The following SUPT3H variants were observed in gnomAD, a reference collection of about 807,000 sequenced individuals.
SUPT3H encodes the protein SPT3 homolog, SAGA and STAGA complex component, also known as transcription initiation protein SPT3 homolog.
Under a neutral mutation model 44.3 loss-of-function variants are expected in SUPT3H, and 44 were observed. That is an observed-to-expected ratio of 0.99 (90% CI 0.78 to 1.28). The LOEUF is 1.28. SUPT3H is among the 50% of genes most tolerant of loss of function. The pLI is 0.00. For synonymous variants in SUPT3H, 124 were observed against 125.6 expected (o/e 0.99, Z 0.09); for missense variants, 380 against 387.1 (o/e 0.98, Z 0.15).
chr6:44,969,771 C>G (rs1443807560), intron 6 of SUPT3H, among the ~76,000 whole-genome samples: 2 of 152,150 alleles, frequency 1.3e-5, no homozygotes, highest in Admixed American at 1.3e-4. Context: ...AGTATATTTT[C>G]TATATCACAG....
chr6:45,173,958 C>A (rs1811254297), intron 2 of SUPT3H, among the ~76,000 whole-genome samples: 1 of 152,116 alleles, frequency 6.6e-6, no homozygotes, highest in Non-Finnish European at 1.5e-5. Flanking sequence ...CTTTTGTGCC[C>A]CTGCTGCCCA....
At chr6:44,868,703 T>C (rs186859742) in intron 10 of SUPT3H, among the ~76,000 whole-genome samples, 5 of 151,926 alleles carry the variant, frequency 3.3e-5, no homozygotes, top group Admixed American at 6.6e-5. Flanking sequence ...TGGAGCTCCT[T>C]AGCTCTGCCT....
intron 10 of SUPT3H, among the ~76,000 whole-genome samples, chr6:44,839,673 C>G (rs1207031864): frequency 6.6e-6 from 1 of 151,874 alleles, no homozygotes; most frequent in Non-Finnish European, 1.5e-5. Flanking sequence ...AATGGATCCT[C>G]AAAAGGGCCT....
chr6:45,096,590 A>G (rs942863226), intron 3 of SUPT3H, among the ~76,000 whole-genome samples: 3 of 152,062 alleles, frequency 2.0e-5, no homozygotes, highest in Non-Finnish European at 4.4e-5. Flanking sequence ...TCCACATGGG[A>G]ACAACAGGTC....
At chr6:44,957,925 T>C (rs564286) in intron 7 of SUPT3H, among the ~76,000 whole-genome samples, 149,201 of 152,308 alleles carry the variant, frequency 0.98, 73,091 homozygotes, top group Middle Eastern at 1. Context: ...TTCCCTGTCA[T>C]GTGGAGAAGG....
chr6:45,165,421 A>C (rs1424300363), intron 2 of SUPT3H, among the ~76,000 whole-genome samples: 1 of 152,224 alleles, frequency 6.6e-6, no homozygotes, highest in Non-Finnish European at 1.5e-5. Context: ...AGCACAATCT[A>C]TACTGTTCAT....
At chr6:44,821,350 G>A (rs1257604973) in intron 11 of SUPT3H, among the ~76,000 whole-genome samples, 1 of 152,124 alleles carries the variant, frequency 6.6e-6, no homozygotes, top group Non-Finnish European at 1.5e-5. Context: ...GGTTATGACT[G>A]CTGATAAAAA....
intron 3 of SUPT3H, among the ~76,000 whole-genome samples, chr6:45,071,525 C>G (rs1179617463): frequency 6.6e-6 from 1 of 152,074 alleles, no homozygotes; most frequent in Non-Finnish European, 1.5e-5. Flanking sequence ...TAGCCTGATA[C>G]CCAATGCAGA....
intron 6 of SUPT3H, among the ~76,000 whole-genome samples, chr6:44,966,780 C>A (rs1297802221): frequency 2.0e-5 from 3 of 152,134 alleles, no homozygotes; most frequent in Non-Finnish European, 4.4e-5. Context: ...ACAAAAAAGA[C>A]ATCATATCAT....
At chr6:44,937,450 C>T (rs1340771799) in intron 9 of SUPT3H, among the ~76,000 whole-genome samples, 10 of 151,778 alleles carry the variant, frequency 6.6e-5, no homozygotes, top group East Asian at 1.9e-4. Context: ...GCCCAGATCA[C>T]GCCACTGCAC....
intron 3 of SUPT3H, among the ~76,000 whole-genome samples, chr6:45,041,560 T>C (rs548516493): frequency 6.6e-6 from 1 of 152,312 alleles, no homozygotes; most frequent in Admixed American, 6.5e-5. Context: ...GCTATTTGTT[T>C]ATAAACCTTC....
chr6:45,244,015 G>C (rs1053842474), intron 2 of SUPT3H, among the ~76,000 whole-genome samples: 1 of 152,096 alleles, frequency 6.6e-6, no homozygotes, highest in Admixed American at 6.5e-5. Flanking sequence ...CTGGGTAGCT[G>C]GGAAGACAGG....
At chr6:45,124,714 T>C (rs1802170816) in intron 2 of SUPT3H, among the ~76,000 whole-genome samples, 1 of 152,046 alleles carries the variant, frequency 6.6e-6, no homozygotes, top group Non-Finnish European at 1.5e-5. Context: ...TGAATATTCA[T>C]GTTTAAAATA....
At chr6:44,890,303 T>C (rs1763065490) in intron 10 of SUPT3H, among the ~76,000 whole-genome samples, 1 of 150,854 alleles carries the variant, frequency 6.6e-6, no homozygotes, top group Admixed American at 6.6e-5. Flanking sequence ...TAAAGACACA[T>C]GCACACATAT....
At chr6:45,285,546 G>A (rs1242395506) in intron 2 of SUPT3H, among the ~76,000 whole-genome samples, 2 of 151,952 alleles carry the variant, frequency 1.3e-5, no homozygotes, top group African/African-American at 4.8e-5. Context: ...GGGACGTGAA[G>A]GACCTCTTCA....
chr6:45,241,267 A>G (rs1231729060), intron 2 of SUPT3H, among the ~76,000 whole-genome samples: 1 of 152,150 alleles, frequency 6.6e-6, no homozygotes, highest in African/African-American at 2.4e-5. Context: ...AATCTCTGCA[A>G]CACTGTGACA....
At chr6:45,340,886 T>C (rs775103379) in intron 2 of SUPT3H, among the ~76,000 whole-genome samples, 2 of 152,138 alleles carry the variant, frequency 1.3e-5, no homozygotes, top group Non-Finnish European at 2.9e-5. Flanking sequence ...TTCCTATATT[T>C]ATCTGTAGCA....
intron 10 of SUPT3H, among the ~76,000 whole-genome samples, chr6:44,842,927 G>C (rs1027218414): frequency 6.6e-6 from 1 of 152,092 alleles, no homozygotes; most frequent in East Asian, 1.9e-4. Flanking sequence ...CACGTCTACT[G>C]ACTTTTGAAA....
At chr6:45,106,905 G>A (rs939031426) in intron 2 of SUPT3H, among the ~76,000 whole-genome samples, 3 of 152,072 alleles carry the variant, frequency 2.0e-5, no homozygotes, top group Non-Finnish European at 4.4e-5. Flanking sequence ...TCACAATACT[G>A]GCAACCAGCA....
Sources: allele counts gnomAD v4.1 joint callset (sites outside exome capture counted in the v4.1 genomes callset), GRCh38; gene constraint gnomAD v4.1.1; transcripts MANE v1.5; gene names NCBI Gene and HGNC (gene_info 2026-07-23, HGNC 2026-07-21).